PLEK: variants seen among roughly 807,000 people sequenced by gnomAD.
PLEK encodes the protein pleckstrin.
In PLEK, 25 loss-of-function variants were observed where a neutral mutation model predicts 43.9. That is an observed-to-expected ratio of 0.57 (90% CI 0.41 to 0.79). The LOEUF is 0.79. Ranked by LOEUF, PLEK falls within the 30% of genes least tolerant of loss-of-function variation. PLEK has a pLI of 0.00. For synonymous variants in PLEK, 152 were observed against 144.4 expected (o/e 1.05, Z -0.38); for missense variants, 396 against 413.3 (o/e 0.96, Z 0.36).
chr2:68,376,784 T>A (rs988629997), intron 1 of PLEK, among the ~76,000 whole-genome samples: 3 of 152,162 alleles, frequency 2.0e-5, no homozygotes, highest in South Asian at 4.1e-4. Context: ...CCAATTACGC[T>A]CTTTTAGTTA....
At chr2:68,374,568 G>A (rs901955915) in intron 1 of PLEK, among the ~76,000 whole-genome samples, 4 of 152,020 alleles carry the variant, frequency 2.6e-5, no homozygotes, top group Admixed American at 2.6e-4. Flanking sequence ...GTACATGAAG[G>A]GTGTCATAAT....
At chr2:68,372,746 G>T (rs1673435352) in intron 1 of PLEK, among the ~76,000 whole-genome samples, 1 of 152,180 alleles carries the variant, frequency 6.6e-6, no homozygotes, top group East Asian at 1.9e-4. Flanking sequence ...ATATATGTGT[G>T]TGTGTGTATA....
rs780518673 is a variant in PLEK at position 68,388,458 on chromosome 2, G to A, written c.729G>A (p.Gly243=). The change falls in exon 6 of 9, where the codon GGG becomes GGA. Residue 243 remains glycine, a synonymous_variant. Transcript: ENST00000234313. The part of the protein sequence containing the change: ...DDVILKEEFR[G]VIIKQGCLLK... ...TGATTCTGAAAGAAGAATTCAGAGG[G>A]GTCATTATCAAGCAGGGATGTTTAC... is the stretch of plus-strand genomic sequence containing the variant. The A allele has an allele frequency of 1.2e-6, 2 of 1,606,642 alleles. No homozygotes were observed. Among genetic ancestry groups the A allele is most frequent in the Admixed American group, 1.7e-5 (1 of 60,012 alleles).
At chr2:68,386,337 T>C (rs1673740609) in intron 4 of PLEK, among the ~76,000 whole-genome samples, 165 bp from the exon 5 acceptor site, 1 of 152,226 alleles carries the variant, frequency 6.6e-6, no homozygotes, top group Admixed American at 6.5e-5. Context: ...TTTGTTTGTT[T>C]CTAGTGGGTA....
rs574218233 is a variant in PLEK, at chr2:68,368,449, C to T, written c.42+3056C>T. Among the ~76,000 whole-genome samples, 6 of 152,314 alleles carry T rather than the reference C, an allele frequency of 3.9e-5. No individual in the cohort carries two copies. The South Asian group carries it at 6.2e-4, about 16-fold the overall frequency. The stretch of plus-strand genomic sequence containing the variant: ...AGAGGATGACCTGGGATTCAAATCC[C>T]GGCCTGCCTAACAGCAAAGCCTACC... On this transcript the variant is annotated intron_variant, in intron 1 of 8. Transcript: ENST00000234313.
chr2:68,378,045 G>A (rs1673538826), intron 1 of PLEK, among the ~76,000 whole-genome samples: 1 of 152,066 alleles, frequency 6.6e-6, no homozygotes, highest in Non-Finnish European at 1.5e-5. Context: ...TAAAACATGT[G>A]TATACATATG....
intron 4 of PLEK, 100 bp from the exon 5 acceptor site, chr2:68,386,402 A>G: frequency 2.4e-6 from 2 of 820,928 alleles, no homozygotes; most frequent in Non-Finnish European, 3.9e-6. Context: ...AGACGAGACA[A>G]GTCAGACCTG....
At chr2:68,373,686 T>A (rs897649023) in intron 1 of PLEK, among the ~76,000 whole-genome samples, 14 of 152,062 alleles carry the variant, frequency 9.2e-5, no homozygotes, top group Middle Eastern at 3.2e-3. Flanking sequence ...TACTGATGCA[T>A]CCCAATTTCA....
rs1388395383 is a variant in PLEK at position 68,379,542 on chromosome 2, G to A, written c.43-786G>A. ...AGAAAGAACTATACTCTAAGATCAT[G>A]TGTCAGATGTAGTTTCAGAAGCAAG... is the stretch of plus-strand genomic sequence containing the variant. On this transcript the variant is annotated intron_variant, in intron 1 of 8. Transcript: ENST00000234313. Among the ~76,000 whole-genome samples, 5 of 152,178 alleles carry A rather than the reference G, an allele frequency of 3.3e-5. No individual in the cohort carries two copies. The East Asian group carries it at 9.6e-4, about 29-fold the overall frequency.
intron 1 of PLEK, among the ~76,000 whole-genome samples, chr2:68,379,161 A>T (rs1027840066): frequency 6.6e-6 from 1 of 152,206 alleles, no homozygotes; most frequent in African/African-American, 2.4e-5. Context: ...AATAAAATTT[A>T]AAAAAAGAGA....
intron 1 of PLEK, among the ~76,000 whole-genome samples, chr2:68,380,077 G>C (rs530413194): frequency 6.6e-6 from 1 of 152,212 alleles, no homozygotes; most frequent in East Asian, 1.9e-4. Flanking sequence ...AGGTGAGAAA[G>C]AGGAGAGGGC....
intron 1 of PLEK, among the ~76,000 whole-genome samples, chr2:68,372,160 T>C (rs1673421044): frequency 6.8e-6 from 1 of 147,298 alleles, no homozygotes; most frequent in African/African-American, 2.6e-5. Flanking sequence ...TGCAGTTTTT[T>C]AAATATAGAG....
chr2:68,374,154 A>G (rs186130930), intron 1 of PLEK, among the ~76,000 whole-genome samples: 99 of 152,332 alleles, frequency 6.5e-4, no homozygotes, highest in African/African-American at 2.3e-3. Context: ...ATTTGCAGAC[A>G]TCACGCTACC....
intron 1 of PLEK, among the ~76,000 whole-genome samples, chr2:68,374,736 G>A (rs984726277): frequency 2.7e-4 from 41 of 152,076 alleles, no homozygotes; most frequent in Non-Finnish European, 1.0e-4. Context: ...GTTGTTGAAC[G>A]TCATATGAAT....
chr2:68,389,661 A>C (rs1257293677), intron 6 of PLEK, among the ~76,000 whole-genome samples: 1 of 152,236 alleles, frequency 6.6e-6, no homozygotes, highest in African/African-American at 2.4e-5. Flanking sequence ...CAGTGTCCTA[A>C]GAAATATATG....
chr2:68,381,849 C>T (rs1673624543), intron 3 of PLEK, among the ~76,000 whole-genome samples: 1 of 152,180 alleles, frequency 6.6e-6, no homozygotes, highest in African/African-American at 2.4e-5. Context: ...GCTGCAGCTG[C>T]TGATGGGGGC....
At position 68,397,434 on chromosome 2, in the gene PLEK, A is replaced by T. The variant is rs1673980740; in HGVS notation, c.*1618A>T. 6.6e-6 allele frequency: 1 copy of T among 152,254 alleles called. No individual in the cohort carries two copies. Among genetic ancestry groups the T allele is most frequent in the African/African-American group, 2.4e-5 (1 of 41,474 alleles). The allele number at this position is 152,254 out of a possible 1,614,324, so 9.4% of individuals were successfully genotyped here. A position where few individuals can be genotyped will look rare whatever the true frequency, so the allele number is the denominator to read the frequency against. ...GTCAACTTAATGTTTTGAAATAAATATATGACTCTGTTTAATGCATTTTTG... is the reference window on the plus strand; with the variant it reads ...GTCAACTTAATGTTTTGAAATAAATTTATGACTCTGTTTAATGCATTTTTG... On this transcript the variant is annotated 3_prime_UTR_variant, in exon 9 of 9. Transcript: ENST00000234313.
At chr2:68,365,517 G>T (rs1673251431) in intron 1 of PLEK, 124 bp downstream of exon 1, 2 of 784,168 alleles carry the variant, frequency 2.6e-6, no homozygotes, top group South Asian at 1.5e-5. Flanking sequence ...GTTGAAATAG[G>T]GGAGCGTGGT....
chr2:68,382,709 G>C, intron 4 of PLEK, 76 bp downstream of exon 4: 1 of 822,940 alleles, frequency 1.2e-6, no homozygotes. Flanking sequence ...CGTCTGTGAG[G>C]TGGGGGTATG....
Sources: gnomAD v4.1 joint callset for allele counts (sites outside exome capture counted in the v4.1 genomes callset) on GRCh38, gnomAD v4.1.1 for gene constraint, MANE v1.5 for transcripts, NCBI Gene and HGNC (gene_info 2026-07-23, HGNC 2026-07-21) for gene names.